Variants in HMGB1 observed in about 807,000 individuals in gnomAD.
HMGB1 encodes the protein high mobility group protein B1.
For synonymous variants in HMGB1, 81 were observed against 84.0 expected, an observed-to-expected ratio of 0.96 and a Z score of 0.19; for missense variants, 79 against 253.5, an observed-to-expected ratio of 0.31 and a Z score of 4.67.
Position 30,459,569 on chromosome 13 carries a change from C to T in HMGB1, c.*1788G>A, listed in dbSNP as rs1356090440. ...AGCCTATCACTAACCCTGCTGTTCGCTTGCATGTATCTTGTTTTTAAAAAT... is the reference window on the plus strand; with the variant it reads ...AGCCTATCACTAACCCTGCTGTTCGTTTGCATGTATCTTGTTTTTAAAAAT... On this transcript the variant is annotated 3_prime_UTR_variant, in exon 5 of 5. Transcript: ENST00000341423. 2.6e-5 allele frequency: 4 copies of T among 152,138 alleles called. No homozygotes were observed. Among genetic ancestry groups the T allele is most frequent in the Non-Finnish European group, 5.9e-5 (4 of 68,010 alleles). The allele number at this position is 152,138 out of a possible 1,614,324, so 9.4% of individuals were successfully genotyped here. A position where few individuals can be genotyped will look rare whatever the true frequency, so the allele number is the denominator to read the frequency against.
intron 1 of HMGB1, among the ~76,000 whole-genome samples, chr13:30,593,117 CAG>C (rs1871440050): frequency 6.6e-6 from 1 of 152,120 alleles, no homozygotes. Flanking sequence ...AAGCACCAGC[CAG>C]AGTTTTTTCT....
chr13:30,461,683 C>T (rs1202244196), intron 4 of HMGB1, 150 bp from the exon 5 acceptor site: 3 of 1,576,318 alleles, frequency 1.9e-6, no homozygotes, highest in Admixed American at 3.5e-5. Flanking sequence ...CCAGAAATAA[C>T]TAGAACTTCA....
At chr13:30,572,809 G>A (rs1421430159) in intron 1 of HMGB1, among the ~76,000 whole-genome samples, 5 of 152,142 alleles carry the variant, frequency 3.3e-5, no homozygotes, top group East Asian at 3.8e-4. Context: ...TACCCTTCAG[G>A]GATTTTGGCA....
At chr13:30,538,663 C>CTTT (rs1555238863) in intron 1 of HMGB1, among the ~76,000 whole-genome samples, 5,092 of 79,656 alleles carry the variant, frequency 0.064, 202 homozygotes, top group Middle Eastern at 0.17. Context: ...TTCTTTCTTT[C>CTTT]CTTTCTTTCT....
chr13:30,481,246 G>A (rs1279270750), intron 1 of HMGB1, among the ~76,000 whole-genome samples: 1 of 144,462 alleles, frequency 6.9e-6, no homozygotes, highest in East Asian at 2.3e-4. Flanking sequence ...CTTTTTCAGA[G>A]GGATTTTTTG....
intron 1 of HMGB1, among the ~76,000 whole-genome samples, chr13:30,583,839 A>AAAAAAAG: frequency 7.3e-6 from 1 of 137,716 alleles, no homozygotes; most frequent in African/African-American, 2.9e-5. Context: ...AAAAAAAAAA[A>AAAAAAAG]AAAGAAAGAA....
At chr13:30,506,526 G>A (rs1296374261) in intron 1 of HMGB1, among the ~76,000 whole-genome samples, 2 of 152,004 alleles carry the variant, frequency 1.3e-5, no homozygotes, top group Non-Finnish European at 2.9e-5. Context: ...CATCTCACAC[G>A]AAGACCGGTC....
chr13:30,558,957 G>A (rs1366566515), intron 1 of HMGB1, among the ~76,000 whole-genome samples: 1 of 152,176 alleles, frequency 6.6e-6, no homozygotes, highest in African/African-American at 2.4e-5. Context: ...TGAGGGCAAG[G>A]ACCAAACTTG....
intron 1 of HMGB1, among the ~76,000 whole-genome samples, chr13:30,558,460 A>T (rs573487316): frequency 7.9e-4 from 121 of 152,282 alleles, no homozygotes; most frequent in African/African-American, 2.7e-3. Flanking sequence ...TCAGCAGAAA[A>T]TTTTTTAAAA....
chr13:30,461,925 G>A (rs1399972835), intron 4 of HMGB1, among the ~76,000 whole-genome samples: 1 of 151,902 alleles, frequency 6.6e-6, no homozygotes, highest in East Asian at 1.9e-4. Context: ...AGTAGGAAAT[G>A]TGGTCTTAAA....
intron 1 of HMGB1, among the ~76,000 whole-genome samples, chr13:30,587,860 A>G (rs537126517): frequency 1.3e-5 from 2 of 152,352 alleles, no homozygotes; most frequent in African/African-American, 4.8e-5. Flanking sequence ...CAAACTGGTA[A>G]TGAGGGAGCT....
intron 1 of HMGB1, among the ~76,000 whole-genome samples, chr13:30,580,213 T>C (rs1420598592): frequency 1.3e-5 from 2 of 152,222 alleles, no homozygotes; most frequent in Non-Finnish European, 2.9e-5. Context: ...TAGTGCAACA[T>C]CAGAAACAAG....
chr13:30,465,010 C>T (rs1886671248), intron 1 of HMGB1: 4 of 203,630 alleles, frequency 2.0e-5, no homozygotes, highest in Non-Finnish European at 3.2e-5. Context: ...GCGGGCCGCG[C>T]GCCCCGCCGC....
chr13:30,456,765 G>GGGGGGGGGGT lies in HMGB1; in HGVS notation c.*4591_*4592insACCCCCCCCC, dbSNP rs1886003787. The GGGGGGGGGGT allele has an allele frequency of 9.4e-6, 1 of 106,740 alleles. No individual in the cohort carries two copies. The highest frequency in any genetic ancestry group is 1.9e-5 in the Non-Finnish European group (1 of 51,654). 6.6% of individuals were successfully genotyped at this position (106,740 alleles called of 1,614,324 possible). A position where few individuals can be genotyped will look rare whatever the true frequency, so the allele number is the denominator to read the frequency against. On this transcript the variant is annotated 3_prime_UTR_variant, in exon 5 of 5. Transcript: ENST00000341423. Reference sequence around the variant, plus strand: ...TAAATAACAGCTTTTGTGGGCGGGGGGGGGGGGTGGTGGGGTGCAATTTAT... The same window carrying GGGGGGGGGGT: ...TAAATAACAGCTTTTGTGGGCGGGGGGGGGGGGGGTGGGGGGGTGGTGGGGTGCAATTTAT...
At chr13:30,553,629 T>C in intron 1 of HMGB1, 1 of 641,492 alleles carries the variant, frequency 1.6e-6, no homozygotes, top group Non-Finnish European at 2.8e-6. Flanking sequence ...GGAGCCAACC[T>C]CACTCTTCCA....
intron 1 of HMGB1, among the ~76,000 whole-genome samples, chr13:30,597,249 T>C (rs754021178): frequency 6.6e-6 from 1 of 151,990 alleles, no homozygotes; most frequent in African/African-American, 2.4e-5. Context: ...TGGATACAGA[T>C]ACACACAAAC....
At chr13:30,469,466 G>GTT (rs1272125983), upstream of HMGB1, among the ~76,000 whole-genome samples, 1 of 119,466 alleles carries the variant, frequency 8.4e-6, no homozygotes, top group Non-Finnish European at 1.9e-5. Flanking sequence ...TGTATTTTTT[G>GTT]TTTTTTTTTT....
rs539472679 is a variant in HMGB1, at chr13:30,604,223, T to C, written c.-15+12448A>G. Among the ~76,000 whole-genome samples the C allele has an allele frequency of 5.3e-5, 8 of 152,138 alleles. No homozygotes were observed. In the South Asian group the frequency reaches 1.0e-3, roughly 20 times the overall value. On this transcript the variant is annotated intron_variant, in intron 1 of 4. Transcript: ENST00000405805. The stretch of plus-strand genomic sequence containing the variant: ...TAGGCACTTACAGATTTGACGCTAA[T>C]GAGATGGGAAGCCACAGGAAGGTTG...
chr13:30,612,047 C>G (rs1440405017), intron 1 of HMGB1, among the ~76,000 whole-genome samples: 2 of 152,016 alleles, frequency 1.3e-5, no homozygotes, highest in Non-Finnish European at 2.9e-5. Flanking sequence ...CAAATATGCA[C>G]TATGTACTAG....
Sources: allele counts gnomAD v4.1 joint callset (sites outside exome capture counted in the v4.1 genomes callset), GRCh38; gene constraint gnomAD v4.1.1; transcripts MANE v1.5; gene names NCBI Gene and HGNC (gene_info 2026-07-23, HGNC 2026-07-21).